Variants in MATCAP2 observed in about 807,000 individuals in gnomAD.
MATCAP2 encodes microtubule associated tyrosine carboxypeptidase 2.
At chr7:36,387,977 C>T in the MATCAP2 span, among the ~76,000 whole-genome samples, 2 of 152,100 alleles carry the variant, frequency 1.3e-5, no homozygotes, top group African/African-American at 4.8e-5. Context: ...ATAAGTAACA[C>T]ATTCTGGGTT....
the MATCAP2 span, among the ~76,000 whole-genome samples, chr7:36,327,232 G>A: frequency 4.6e-5 from 7 of 152,002 alleles, no homozygotes; most frequent in Non-Finnish European, 7.4e-5. Context: ...TCCACCTCCC[G>A]GGTTCAGGTG....
chr7:36,379,367 T>C, the MATCAP2 span, among the ~76,000 whole-genome samples: 1 of 152,176 alleles, frequency 6.6e-6, no homozygotes, highest in Admixed American at 6.5e-5. Flanking sequence ...GGCAGAGGAA[T>C]AAGAACCCAC....
chr7:36,356,374 G>T, the MATCAP2 span: 6,219 of 159,576 alleles, frequency 0.039, 181 homozygotes, highest in African/African-American at 0.07. Context: ...AATTAGCTGG[G>T]TATGGTGGCG....
chr7:36,365,189 G>A, the MATCAP2 span, among the ~76,000 whole-genome samples: 1 of 152,114 alleles, frequency 6.6e-6, no homozygotes, highest in African/African-American at 2.4e-5. Context: ...TACAATGATT[G>A]TTATGGTTTG....
At chr7:36,328,900 G>A in the MATCAP2 span, among the ~76,000 whole-genome samples, 6 of 152,124 alleles carry the variant, frequency 3.9e-5, no homozygotes, top group South Asian at 2.1e-4. Flanking sequence ...AAAATTAGCC[G>A]GGTGTGGTGG....
the MATCAP2 span, among the ~76,000 whole-genome samples, chr7:36,353,431 G>T: frequency 0.1 from 15,272 of 151,680 alleles, 904 homozygotes; most frequent in East Asian, 0.18. Flanking sequence ...CACCTTGGGG[G>T]AGAATAGAGG....
chr7:36,384,948 C>T, the MATCAP2 span, among the ~76,000 whole-genome samples: 1 of 151,628 alleles, frequency 6.6e-6, no homozygotes. Flanking sequence ...TCATGCATGG[C>T]CTTGTAGGTA....
chr7:36,349,647 T>C, the MATCAP2 span, among the ~76,000 whole-genome samples: 1 of 152,196 alleles, frequency 6.6e-6, no homozygotes, highest in Non-Finnish European at 1.5e-5. Flanking sequence ...GTAACTGCTA[T>C]GAGGATAAGA....
chr7:36,339,983 C>G, the MATCAP2 span, among the ~76,000 whole-genome samples: 3 of 152,182 alleles, frequency 2.0e-5, no homozygotes, highest in Non-Finnish European at 4.4e-5. Flanking sequence ...CTGCCTCAGC[C>G]TCCTGAGTAG....
the MATCAP2 span, chr7:36,366,773 C>T: frequency 6.5e-7 from 1 of 1,534,874 alleles, no homozygotes; most frequent in African/African-American, 1.4e-5. Flanking sequence ...GCGAGCGCCT[C>T]CTGCGCGCCC....
the MATCAP2 span, among the ~76,000 whole-genome samples, chr7:36,379,803 C>G: frequency 6.9e-6 from 1 of 144,062 alleles, no homozygotes; most frequent in Non-Finnish European, 1.5e-5. Flanking sequence ...AATTGTAACA[C>G]AATGGTAAGT....
chr7:36,341,369 A>G, the MATCAP2 span, among the ~76,000 whole-genome samples: 1 of 152,220 alleles, frequency 6.6e-6, no homozygotes, highest in East Asian at 1.9e-4. Context: ...GCATTCCGGG[A>G]TATGTGGTTC....
chr7:36,324,784 T>A, the MATCAP2 span: 1 of 152,202 alleles, frequency 6.6e-6, no homozygotes, highest in Non-Finnish European at 1.5e-5. Flanking sequence ...ATGTTTTTCA[T>A]CCTTATACCA....
the MATCAP2 span, among the ~76,000 whole-genome samples, chr7:36,382,504 T>TG: frequency 6.6e-6 from 1 of 152,036 alleles, no homozygotes; most frequent in African/African-American, 2.4e-5. Flanking sequence ...TTTTTTTTTT[T>TG]TGTTTTGAGA....
chr7:36,352,366 C>T, the MATCAP2 span, among the ~76,000 whole-genome samples: 1 of 144,038 alleles, frequency 6.9e-6, no homozygotes, highest in Non-Finnish European at 1.5e-5. Context: ...CACTGTACTC[C>T]AGCCTGGGTG....
At chr7:36,352,419 A>G in the MATCAP2 span, among the ~76,000 whole-genome samples, 1 of 147,702 alleles carries the variant, frequency 6.8e-6, no homozygotes, top group African/African-American at 2.5e-5. Context: ...AAAAAAAAAA[A>G]GAACCTTTCT....
At chr7:36,355,513 G>A in the MATCAP2 span, 1 of 152,150 alleles carries the variant, frequency 6.6e-6, no homozygotes, top group Non-Finnish European at 1.5e-5. Flanking sequence ...GAAGCAAAGA[G>A]ACCCTAACAA....
chr7:36,365,650 G>T, the MATCAP2 span, among the ~76,000 whole-genome samples: 2 of 152,208 alleles, frequency 1.3e-5, no homozygotes, highest in African/African-American at 4.8e-5. Flanking sequence ...AGTGAGCAGA[G>T]ACAGCGCCAC....
At chr7:36,328,237 T>TGTG in the MATCAP2 span, among the ~76,000 whole-genome samples, 6 of 11,284 alleles carry the variant, frequency 5.3e-4, 1 homozygote, top group Non-Finnish European at 4.0e-3. Context: ...TTTTTGTTTT[T>TGTG]GTAGGGGGGG....
Sources: gnomAD v4.1 joint callset for allele counts (sites outside exome capture counted in the v4.1 genomes callset) on GRCh38, gnomAD v4.1.1 for gene constraint, MANE v1.5 for transcripts, NCBI Gene and HGNC (gene_info 2026-07-23, HGNC 2026-07-21) for gene names.